Variants in TNKS observed in about 807,000 individuals in gnomAD.
The protein encoded by TNKS is poly [ADP-ribose] polymerase tankyrase-1.
In TNKS, 72 loss-of-function variants were observed where a neutral mutation model predicts 135.8. The ratio of observed to expected loss-of-function variants is 0.53; its 90% CI spans 0.44 to 0.64. The LOEUF (loss-of-function observed/expected upper bound fraction) is 0.64. TNKS is among the 30% of genes least tolerant of loss of function. The pLI is 0.00. For synonymous variants in TNKS, 849 were observed against 649.3 expected, an observed-to-expected ratio of 1.31 and a Z score of -4.68; for missense variants, 1,769 against 1,674.0, an observed-to-expected ratio of 1.06 and a Z score of -0.99.
rs139267253 is a variant in TNKS, at chr8:9,663,570, G to C, written c.995-16381G>C. On this transcript the variant is annotated intron_variant, in intron 3 of 26. Transcript: ENST00000310430. ...TTAACGTCAGATCCAGTGAGTTAAA[G>C]GCTCAGTCCCAGAAGACTACACCCC... Among the ~76,000 whole-genome samples the C allele has an allele frequency of 1.8e-4, 27 of 152,258 alleles. 1 individual carries two copies. In the East Asian group the frequency reaches 5.2e-3, roughly 29 times the overall value.
At chr8:9,705,846 A>G (rs926465068) in intron 6 of TNKS, among the ~76,000 whole-genome samples, 2 of 152,240 alleles carry the variant, frequency 1.3e-5, no homozygotes, top group South Asian at 2.1e-4. Flanking sequence ...GTGAATTAAA[A>G]TGGTGGAATA....
At chr8:9,559,356 A>G (rs1310946356) in intron 1 of TNKS, among the ~76,000 whole-genome samples, 1 of 152,182 alleles carries the variant, frequency 6.6e-6, no homozygotes, top group African/African-American at 2.4e-5. Context: ...TAGCCAAGCA[A>G]AGGTTGGAAG....
chr8:9,577,551 G>A (rs1797996911), intron 1 of TNKS, among the ~76,000 whole-genome samples: 1 of 152,128 alleles, frequency 6.6e-6, no homozygotes. Context: ...GCAGAGGAGA[G>A]CAGGAGGAGG....
intron 20 of TNKS, among the ~76,000 whole-genome samples, chr8:9,753,378 C>A (rs1806654569): frequency 6.6e-6 from 1 of 152,172 alleles, no homozygotes; most frequent in Admixed American, 6.5e-5. Context: ...TTTCTGTTGT[C>A]CACTTGGAGT....
chr8:9,679,925 C>T (rs772049234), intron 3 of TNKS, 26 bp from the exon 4 acceptor site: 2 of 1,600,396 alleles, frequency 1.2e-6, no homozygotes, highest in Non-Finnish European at 1.7e-6. Flanking sequence ...CAAATGCTAA[C>T]AGCATGATAT....
intron 6 of TNKS, among the ~76,000 whole-genome samples, chr8:9,705,928 G>T (rs1197521866): frequency 2.0e-5 from 3 of 151,956 alleles, no homozygotes; most frequent in Admixed American, 2.0e-4. Flanking sequence ...TTGTCAATTA[G>T]CATATGATCT....
At chr8:9,620,955 A>G (rs1799845125) in intron 3 of TNKS, among the ~76,000 whole-genome samples, 1 of 152,372 alleles carries the variant, frequency 6.6e-6, no homozygotes, top group African/African-American at 2.4e-5. Context: ...TAAAATGATC[A>G]ATCAAATAAA....
intron 26 of TNKS, among the ~76,000 whole-genome samples, chr8:9,774,641 A>T (rs1490931790): frequency 2.6e-5 from 4 of 152,200 alleles, no homozygotes; most frequent in Admixed American, 6.5e-5. Flanking sequence ...TTGATTAATT[A>T]GTAACTTAAA....
intron 18 of TNKS, 74 bp from the exon 19 acceptor site, chr8:9,751,535 T>G: frequency 7.3e-7 from 1 of 1,361,944 alleles, no homozygotes; most frequent in Non-Finnish European, 1.0e-6. Flanking sequence ...CACAAAGTAT[T>G]TGGTTATCAG....
chr8:9,591,412 A>G (rs565707267), intron 2 of TNKS, among the ~76,000 whole-genome samples: 8 of 152,154 alleles, frequency 5.3e-5, no homozygotes, highest in Non-Finnish European at 1.0e-4. Flanking sequence ...CAGCGTGGAC[A>G]TGTTTTTTCA....
chr8:9,604,446 T>C (rs1799142449), intron 2 of TNKS, among the ~76,000 whole-genome samples: 1 of 152,124 alleles, frequency 6.6e-6, no homozygotes, highest in African/African-American at 2.4e-5. Context: ...GGTAGTAGAA[T>C]TAAATAGAAT....
chr8:9,632,485 ATCT>A (rs967105595), intron 3 of TNKS, among the ~76,000 whole-genome samples: 1 of 152,134 alleles, frequency 6.6e-6, no homozygotes, highest in African/African-American at 2.4e-5. Context: ...TGGACAATTC[ATCT>A]TCTTACCGTT....
At chr8:9,606,635 G>A (rs1358041796) in intron 2 of TNKS, among the ~76,000 whole-genome samples, 1 of 151,930 alleles carries the variant, frequency 6.6e-6, no homozygotes, top group Non-Finnish European at 1.5e-5. Context: ...TTTTATAATT[G>A]ATGCTTTGAG....
intron 2 of TNKS, among the ~76,000 whole-genome samples, chr8:9,590,948 C>G (rs1367177935): frequency 6.6e-6 from 1 of 152,098 alleles, no homozygotes. Context: ...GCTTTCGTTG[C>G]TTGTGCTTTG....
intron 3 of TNKS, among the ~76,000 whole-genome samples, chr8:9,639,884 A>C (rs1800657901): frequency 6.6e-6 from 1 of 152,200 alleles, no homozygotes; most frequent in African/African-American, 2.4e-5. Flanking sequence ...ATCTTCCAGT[A>C]AATTGTGTGA....
At chr8:9,575,673 G>T (rs894206167) in intron 1 of TNKS, among the ~76,000 whole-genome samples, 1 of 152,076 alleles carries the variant, frequency 6.6e-6, no homozygotes, top group Non-Finnish European at 1.5e-5. Context: ...AATATGTAAA[G>T]AACGCCTGCA....
rs1479892293 is a variant in TNKS at position 9,752,630 on chromosome 8, A to G, written c.3153+4A>G. 1.3e-6 allele frequency: 2 copies of G among 1,589,492 alleles called. No individual in the cohort carries two copies. Among genetic ancestry groups the G allele is most frequent in the East Asian group, 2.2e-5 (1 of 44,630 alleles). On this transcript the variant is annotated splice_donor_region_variant and intron_variant, in intron 20 of 26. Transcript: ENST00000310430. ...GGATATCTTTGAAACAGAACAGGTAAATACTCTTGTATATATTTGAGTCAT... is the reference window on the plus strand; with the variant it reads ...GGATATCTTTGAAACAGAACAGGTAGATACTCTTGTATATATTTGAGTCAT...
In TNKS at chr8:9,628,101, C is replaced by A. The variant is rs79663047; in HGVS notation, c.994+12424C>A. 5.8e-4 allele frequency among the ~76,000 whole-genome samples: 89 copies of A among 152,274 alleles called. 1 individual carries two copies. In the East Asian group the frequency reaches 0.013, roughly 22 times the overall value. ...GTTTCCTGCAGCTATGCTCTGCTTA[C>A]TGGTTTATATCCATCTGCTCATATG... On this transcript the variant is annotated intron_variant, in intron 3 of 26. Coordinates refer to ENST00000310430, the MANE Select transcript of TNKS (RefSeq NM_003747.3).
rs539148398 is a variant in TNKS, at chr8:9,746,050, C to G, written c.2644-1974C>G. On this transcript the variant is annotated intron_variant, in intron 17 of 26. Coordinates refer to ENST00000310430, the MANE Select transcript of TNKS (RefSeq NM_003747.3). ...TCTCATAAATGTCTTCCTTAAAAGC[C>G]TCAATGTGTGGTAGTCGAGCAGCAG... Among the ~76,000 whole-genome samples the G allele has an allele frequency of 1.5e-4, 23 of 152,160 alleles. No homozygotes were observed. The South Asian group carries it at 4.8e-3, about 32-fold the overall frequency.
Sources: gnomAD v4.1 joint callset for allele counts (sites outside exome capture counted in the v4.1 genomes callset) on GRCh38, gnomAD v4.1.1 for gene constraint, MANE v1.5 for transcripts, NCBI Gene and HGNC (gene_info 2026-07-23, HGNC 2026-07-21) for gene names.